PRIM2: variants seen among roughly 807,000 people sequenced by gnomAD.
PRIM2 encodes the protein DNA primase subunit 2.
In PRIM2, 39 loss-of-function variants were observed where a neutral mutation model predicts 67.3. The ratio of observed to expected loss-of-function variants is 0.58; its 90% CI spans 0.45 to 0.76. The LOEUF (loss-of-function observed/expected upper bound fraction) is 0.76, where lower values mean the gene tolerates loss of function less well. PRIM2 is among the 30% of genes least tolerant of loss of function. PRIM2 has a pLI of 0.00. For synonymous variants in PRIM2, 143 were observed against 198.7 expected (o/e 0.72, Z 2.36); for missense variants, 398 against 598.7 (o/e 0.66, Z 3.50).
chr6:57,240,104 T>TTTG, the PRIM2 span, among the ~76,000 whole-genome samples: 9 of 141,486 alleles, frequency 6.4e-5, no homozygotes, highest in African/African-American at 2.5e-4. Flanking sequence ...TTTTTTTTTT[T>TTTG]TTTTTTTTTT....
At chr6:57,357,678 C>G (rs1769075393) in intron 5 of PRIM2, among the ~76,000 whole-genome samples, 3 of 151,488 alleles carry the variant, frequency 2.0e-5, no homozygotes, top group Admixed American at 2.0e-4. Flanking sequence ...ACTGAAACCT[C>G]TGCCTTCTGT....
At chr6:57,377,463 A>T (rs1407502525) in intron 5 of PRIM2, among the ~76,000 whole-genome samples, 4 of 149,088 alleles carry the variant, frequency 2.7e-5, no homozygotes, top group African/African-American at 4.9e-5. Flanking sequence ...GGAGGATTAT[A>T]TCTTTCTGGA....
chr6:57,579,322 A>T (rs1776034793), intron 10 of PRIM2, among the ~76,000 whole-genome samples: 2 of 152,164 alleles, frequency 1.3e-5, no homozygotes, highest in Non-Finnish European at 2.9e-5. Context: ...TGTCCTTGAA[A>T]TTGTACAGGA....
At chr6:57,367,021 T>C (rs1769384035) in intron 5 of PRIM2, among the ~76,000 whole-genome samples, 1 of 152,192 alleles carries the variant, frequency 6.6e-6, no homozygotes, top group African/African-American at 2.4e-5. Context: ...TTAATTTTAC[T>C]ATATTCCAAA....
At chr6:57,360,512 G>A (rs1769162061) in intron 5 of PRIM2, among the ~76,000 whole-genome samples, 1 of 152,164 alleles carries the variant, frequency 6.6e-6, no homozygotes, top group Admixed American at 6.5e-5. Context: ...CGTAAGTCCA[G>A]GAAAGCAGGA....
At chr6:57,633,517 T>C (rs1777067634) in intron 13 of PRIM2, among the ~76,000 whole-genome samples, 1 of 152,090 alleles carries the variant, frequency 6.6e-6, no homozygotes, top group African/African-American at 2.4e-5. Flanking sequence ...TGATAAAATA[T>C]CTCATAGGAA....
chr6:57,632,188 A>C lies in PRIM2; in HGVS notation c.1286A>C (p.Glu429Ala), dbSNP rs1777046325. 1.3e-6 allele frequency: 2 copies of C among 1,489,388 alleles called. No individual in the cohort carries two copies. Among genetic ancestry groups the C allele is most frequent in the African/African-American group, 2.8e-5 (2 of 70,554 alleles). 92.3% of individuals were successfully genotyped at this position (1,489,388 alleles called of 1,614,324 possible). ...HYQVACQKYF[E>A]MIHNVDDCGF... The stretch of plus-strand genomic sequence containing the variant: ...CAGGTAGCCTGTCAAAAATACTTTG[A>C]GATGATACACAATGTAAGTATTTTT... Residue 429 changes from glutamate (E) to alanine (A), a missense_variant, in exon 13 of 14, where the codon GAG (glutamate) becomes GCG (alanine). Around this residue, in one of 4 missense-constraint regions of PRIM2, gnomAD observed 1 missense variants for 27.3 expected, o/e 0.04. Transcript: ENST00000615550.
intron 7 of PRIM2, among the ~76,000 whole-genome samples, chr6:57,391,775 T>G (rs1770354183): frequency 6.6e-6 from 1 of 152,088 alleles, no homozygotes; most frequent in Non-Finnish European, 1.5e-5. Context: ...TCCTGTGCTG[T>G]AGTTTGAAAT....
At chr6:57,336,624 A>G (rs1003445727) in intron 5 of PRIM2, among the ~76,000 whole-genome samples, 2 of 151,958 alleles carry the variant, frequency 1.3e-5, no homozygotes, top group Non-Finnish European at 2.9e-5. Flanking sequence ...TCATAAGTGA[A>G]GGAGAAATAA....
At chr6:57,333,144 A>T (rs954689378) in intron 5 of PRIM2, among the ~76,000 whole-genome samples, 4 of 152,106 alleles carry the variant, frequency 2.6e-5, no homozygotes, top group African/African-American at 2.4e-5. Context: ...TTTTGTTCCC[A>T]TATGCTCTGT....
At chr6:57,593,768 T>C (rs1328696418) in intron 10 of PRIM2, among the ~76,000 whole-genome samples, 5 of 152,256 alleles carry the variant, frequency 3.3e-5, no homozygotes, top group Admixed American at 6.5e-5. Context: ...AATACATGGA[T>C]AGTTTGAAAG....
At chr6:57,307,075 T>TG in the PRIM2 span, among the ~76,000 whole-genome samples, 1 of 151,634 alleles carries the variant, frequency 6.6e-6, no homozygotes, top group Non-Finnish European at 1.5e-5. Context: ...GGCATGTGCC[T>TG]GTAGTCCCAG....
At chr6:57,228,743 G>A in the PRIM2 span, among the ~76,000 whole-genome samples, 34 of 152,278 alleles carry the variant, frequency 2.2e-4, no homozygotes, top group African/African-American at 7.5e-4. Context: ...CTTACTAGCC[G>A]TGTTACCTTG....
At chr6:57,229,247 T>C in the PRIM2 span, among the ~76,000 whole-genome samples, 1 of 152,170 alleles carries the variant, frequency 6.6e-6, no homozygotes, top group Non-Finnish European at 1.5e-5. Flanking sequence ...CTCTTATAAT[T>C]TTCATATCAT....
chr6:57,330,061 C>G (rs1157065670), intron 5 of PRIM2, among the ~76,000 whole-genome samples: 3 of 152,126 alleles, frequency 2.0e-5, no homozygotes, highest in African/African-American at 7.2e-5. Flanking sequence ...AGGATTTACA[C>G]TGGGATTACA....
the PRIM2 span, among the ~76,000 whole-genome samples, chr6:57,297,881 G>C: frequency 6.6e-6 from 1 of 152,268 alleles, no homozygotes; most frequent in South Asian, 2.1e-4. Context: ...CAAGGCTCAA[G>C]AACTATCCCA....
intron 12 of PRIM2, among the ~76,000 whole-genome samples, chr6:57,617,357 C>T (rs1776774179): frequency 6.6e-6 from 1 of 152,146 alleles, no homozygotes; most frequent in Admixed American, 6.5e-5. Flanking sequence ...TGTAAATAAC[C>T]TATTTCCAAA....
At chr6:57,248,674 A>G in the PRIM2 span, among the ~76,000 whole-genome samples, 1 of 152,202 alleles carries the variant, frequency 6.6e-6, no homozygotes, top group African/African-American at 2.4e-5. Context: ...AATGAAGAGT[A>G]GGCCTGCAAC....
intron 7 of PRIM2, among the ~76,000 whole-genome samples, chr6:57,415,540 G>A (rs1311256383): frequency 6.6e-6 from 1 of 152,138 alleles, no homozygotes; most frequent in Non-Finnish European, 1.5e-5. Flanking sequence ...CTGGTGGAGG[G>A]TCTTGCCTCA....
Sources: gnomAD v4.1 joint callset for allele counts (sites outside exome capture counted in the v4.1 genomes callset) on GRCh38, gnomAD v4.1.1 for gene constraint, gnomAD v4.1.1 regional missense constraint, MANE v1.5 for transcripts, NCBI Gene and HGNC (gene_info 2026-07-23, HGNC 2026-07-21) for gene names.